PDPR: variants seen among roughly 807,000 people sequenced by gnomAD.
PDPR encodes pyruvate dehydrogenase phosphatase regulatory subunit, mitochondrial.
PDPR carries 50 observed loss-of-function variants against 102.2 expected under a neutral mutation model. The observed-to-expected ratio is 0.49, with a 90% CI of 0.39 to 0.62. The LOEUF is 0.62. Among genes scored for constraint, PDPR ranks in the 20% least tolerant of loss-of-function variants. The pLI, the probability that PDPR is intolerant of heterozygous loss-of-function variation, is 0.00. For missense variants in PDPR, 625 were observed against 1,098.2 expected (o/e 0.57, Z 6.09); for synonymous variants, 259 against 406.0 (o/e 0.64, Z 4.35).
chr16:70,126,387 G>A (rs558158148), intron 3 of PDPR, among the ~76,000 whole-genome samples: 6 of 152,274 alleles, frequency 3.9e-5, no homozygotes, highest in South Asian at 4.1e-4. Context: ...TTTTTGAGGC[G>A]GAGTCTCGCT....
chr16:70,130,578 A>T (rs758756163), intron 7 of PDPR, 34 bp downstream of exon 7: 35 of 1,611,906 alleles, frequency 2.2e-5, no homozygotes, highest in Non-Finnish European at 2.6e-5. Flanking sequence ...TTCTTATTTA[A>T]CGTTTGTCTC....
downstream of PDPR, among the ~76,000 whole-genome samples, chr16:70,162,722 G>A (rs28378846): frequency 0.022 from 3,314 of 151,618 alleles, 36 homozygotes; most frequent in African/African-American, 0.074. Context: ...GGAGTGGCTG[G>A]GGGTAAAAGC....
intron 16 of PDPR, chr16:70,147,681 C>T (rs1966349661): frequency 6.7e-6 from 3 of 448,070 alleles, no homozygotes; most frequent in East Asian, 7.0e-5. Flanking sequence ...CAGGTGGTTA[C>T]TGATGGAGAC....
At chr16:70,118,185 G>A (rs907205908) in intron 2 of PDPR, among the ~76,000 whole-genome samples, 8 of 152,198 alleles carry the variant, frequency 5.3e-5, no homozygotes, top group African/African-American at 1.9e-4. Context: ...ATGGAGCTAG[G>A]GTCAAGAGAA....
chr16:70,142,687 G>C lies in PDPR; in HGVS notation c.1605+1G>C. On this transcript the variant is annotated splice_donor_variant, in intron 13 of 18. Transcript: ENST00000288050. LOFTEE classifies it high-confidence loss of function. Reference sequence around the variant, plus strand: ...CTCTTTCACAAAGTTTGAGATAACAGTAAGTATTTGGGAACCAAAAAGTAA... The same window carrying C: ...CTCTTTCACAAAGTTTGAGATAACACTAAGTATTTGGGAACCAAAAAGTAA... 1 of 1,614,070 alleles carries C rather than the reference G, an allele frequency of 6.2e-7. No homozygotes were observed. Among genetic ancestry groups the C allele is most frequent in the Non-Finnish European group, 8.5e-7 (1 of 1,179,894 alleles).
chr16:70,115,603 C>G (rs1001282909), intron 2 of PDPR, among the ~76,000 whole-genome samples: 9 of 152,198 alleles, frequency 5.9e-5, no homozygotes, highest in African/African-American at 2.2e-4. Context: ...TGAACCCACG[C>G]TCATCCAGTC....
In PDPR at chr16:70,161,281, C is replaced by CAAAAAAAAAAAAAAAAAAAAAAAAAAAA. The variant is rs56353884; in HGVS notation, c.*4421_*4422insAAAAAAAAAAAAAAAAAAAAAAAAAAAA. On this transcript the variant is annotated 3_prime_UTR_variant, in exon 19 of 19. Transcript: ENST00000288050. ...GGGTAACAGAGTGAGACTCTTGTCT[C>CAAAAAAAAAAAAAAAAAAAAAAAAAAAA]AAAAAAAAAAAAAAAAAAATCTAAG... The CAAAAAAAAAAAAAAAAAAAAAAAAAAAA allele has an allele frequency of 7.6e-6, 1 of 130,782 alleles. No individual in the cohort carries two copies. 8.1% of individuals were successfully genotyped at this position (130,782 alleles called of 1,614,324 possible).
intron 10 of PDPR, among the ~76,000 whole-genome samples, chr16:70,137,785 A>G (rs1319621720): frequency 2.6e-5 from 4 of 152,294 alleles, no homozygotes; most frequent in African/African-American, 9.6e-5. Context: ...TGGTCACGTA[A>G]CTGTATAATC....
rs1966852188 is a variant in PDPR, at chr16:70,153,540, A to G, written c.2202A>G (p.Glu734=). 2 of 1,610,596 alleles carry G rather than the reference A, an allele frequency of 1.2e-6. No homozygotes were observed. The highest frequency in any genetic ancestry group is 1.7e-6 in the Non-Finnish European group (2 of 1,178,736). ...TAAATAACCTCACCACGCCCCTGGA[A>G]TGTGGACGAGAGTCTCGGGTGAAAT... ...QDINNLTTPL[E]CGRESRVKLE... Residue 734 remains glutamate (E), a synonymous_variant, in exon 18 of 19, where the codon GAA becomes GAG. Coordinates refer to ENST00000288050, the MANE Select transcript of PDPR (RefSeq NM_017990.5).
chr16:70,127,428 TC>T lies in PDPR; in HGVS notation c.361+38del, dbSNP rs536887173. 8.2e-4 allele frequency: 1,305 copies of T among 1,597,294 alleles called. 1 individual carries two copies. The African/African-American group carries it at 0.011, about 14-fold the overall frequency. On this transcript the variant is annotated intron_variant, in intron 4 of 18. Coordinates refer to ENST00000288050, the MANE Select transcript of PDPR (RefSeq NM_017990.5). ...TGTCTTCCATTTATTGCTTTGCCTG[TC>T]CCTGAGATTGTTATATTCATTTCTG...
Position 70,156,664 on chromosome 16 carries a change from G to A in PDPR, c.2425G>A (p.Glu809Lys), listed in dbSNP as rs779812513. The change falls in exon 19 of 19, where the codon GAG becomes AAG. Residue 809 changes from glutamate to lysine, a missense_variant. Glu to Lys is a moderately conservative substitution (Grantham distance 56). This residue lies in a region of PDPR where 303 missense variants were observed against 258.9 expected (regional missense o/e 1.17). Coordinates refer to ENST00000288050, the MANE Select transcript of PDPR (RefSeq NM_017990.5). ...TTSSAYSYSLERHVCLGFVHN... is the reference protein window; with the variant it reads ...TTSSAYSYSLKRHVCLGFVHN... ...CAGCAGTGCCTACAGCTACAGCCTG[G>A]AGCGCCACGTTTGCCTGGGCTTTGT... 1 of 1,614,080 alleles carries A rather than the reference G, an allele frequency of 6.2e-7. No individual in the cohort carries two copies. Among genetic ancestry groups the A allele is most frequent in the Non-Finnish European group, 8.5e-7 (1 of 1,179,914 alleles).
At chr16:70,142,880 G>A (rs2432281) in intron 13 of PDPR, among the ~76,000 whole-genome samples, 194 bp downstream of exon 13, 17 of 152,262 alleles carry the variant, frequency 1.1e-4, no homozygotes, top group African/African-American at 3.1e-4. Context: ...CCAAGATGGT[G>A]AAACCCCGTT....
rs554016810 is a variant in PDPR at position 70,127,254 on chromosome 16, C to A, written c.228-6C>A. On this transcript the variant is annotated splice_polypyrimidine_tract_variant and splice_region_variant and intron_variant, in intron 3 of 18. Transcript: ENST00000288050. ...TACCTAATAGCATTTTGCATCCATC[C>A]TGCAGGCTGGCTGCTGGCTCTACCA... is the stretch of plus-strand genomic sequence containing the variant. 6.3e-7 allele frequency: 1 copy of A among 1,590,540 alleles called. No homozygotes were observed. Among genetic ancestry groups the A allele is most frequent in the Non-Finnish European group, 8.6e-7 (1 of 1,169,540 alleles).
chr16:70,121,432 T>C (rs3972157), intron 3 of PDPR, among the ~76,000 whole-genome samples: 59,730 of 124,762 alleles, frequency 0.48, 10,841 homozygotes, highest in Non-Finnish European at 0.5. Flanking sequence ...TGGCTCACAC[T>C]TGTAATCCCA....
In PDPR at chr16:70,158,262, A is replaced by C. The variant is rs1050116695; in HGVS notation, c.*1383A>C. 1.0e-4 allele frequency: 16 copies of C among 152,456 alleles called. No individual in the cohort carries two copies. Among genetic ancestry groups the C allele is most frequent in the Non-Finnish European group, 2.2e-4 (15 of 68,142 alleles). 9.4% of individuals were successfully genotyped at this position (152,456 alleles called of 1,614,324 possible). ...CCTCAATGCTTCATTTTCCCCTTGC[A>C]TATCAACTGCCCTAATCTGACTTTT... On this transcript the variant is annotated 3_prime_UTR_variant, in exon 19 of 19. Coordinates refer to ENST00000288050, the MANE Select transcript of PDPR (RefSeq NM_017990.5).
chr16:70,162,927 A>G (rs1282815087), downstream of PDPR, among the ~76,000 whole-genome samples: 1 of 152,364 alleles, frequency 6.6e-6, no homozygotes, highest in East Asian at 1.9e-4. Context: ...TCCATCCACA[A>G]GTTGGTCCCT....
intron 1 of PDPR, 133 bp downstream of exon 1, chr16:70,114,573 G>T (rs1029735522): frequency 1.3e-5 from 2 of 152,328 alleles, no homozygotes; most frequent in Non-Finnish European, 2.9e-5. Flanking sequence ...GCTTCCAGTG[G>T]GTTCCGCCTG....
rs149652158 is a variant in PDPR at position 70,115,600 on chromosome 16, A to C, written c.-33+670A>C. ...AGTGTGGGAAATGTTGTGTGAACCC[A>C]CGCTCATCCAGTCTTCCTTGTGACC... On this transcript the variant is annotated intron_variant, in intron 2 of 18. Transcript: ENST00000288050. Among the ~76,000 whole-genome samples the C allele has an allele frequency of 2.2e-3, 339 of 152,254 alleles. 2 individuals are homozygous for C. Among genetic ancestry groups the C allele is most frequent in the African/African-American group, 7.3e-3 (303 of 41,562 alleles).
At chr16:70,152,671 G>A (rs1039665080) in intron 17 of PDPR, among the ~76,000 whole-genome samples, 1 of 152,272 alleles carries the variant, frequency 6.6e-6, no homozygotes, top group Admixed American at 6.5e-5. Context: ...TCTTGCTTTG[G>A]ATTTCATTTT....
Sources: gnomAD v4.1 joint callset for allele counts (sites outside exome capture counted in the v4.1 genomes callset) on GRCh38, gnomAD v4.1.1 for gene constraint, gnomAD v4.1.1 regional missense constraint, MANE v1.5 for transcripts, NCBI Gene and HGNC (gene_info 2026-07-23, HGNC 2026-07-21) for gene names.